NINJ2: variants seen among roughly 807,000 people sequenced by gnomAD.
NINJ2 encodes the protein ninjurin 2.
NINJ2 carries 12 observed loss-of-function variants against 11.7 expected under a neutral mutation model. The ratio of observed to expected loss-of-function variants is 1.02; its 90% CI spans 0.66 to 1.66. NINJ2 has a LOEUF of 1.66. NINJ2 is among the 40% of genes most tolerant of loss of function. NINJ2 has a pLI of 0.00. For missense variants in NINJ2, 187 were observed against 181.8 expected (o/e 1.03, Z -0.16); for synonymous variants, 93 against 76.8 (o/e 1.21, Z -1.10).
chr12:565,380 A>G lies in NINJ2; in HGVS notation c.284T>C (p.Val95Ala), dbSNP rs1421359737. ...CTGGTTGAGTCGCCACTGCTTTTCT[A>G]CCTCATTCAGGTTCAGCCGTGCTGC... ...VVIARLNLNE[V>A]EKQWRLNQLN... The change falls in exon 3 of 4, where the codon GTA (valine) becomes GCA (alanine). Residue 95 changes from valine to alanine, a missense_variant. Val to Ala is a moderately conservative substitution (Grantham distance 64). Coordinates refer to ENST00000305108, the MANE Select transcript of NINJ2 (RefSeq NM_016533.6). 3 of 1,614,046 alleles carry G rather than the reference A, an allele frequency of 1.9e-6. No homozygotes were observed. Among genetic ancestry groups the G allele is most frequent in the Middle Eastern group, 1.7e-4 (1 of 6,058 alleles).
intron 1 of NINJ2, among the ~76,000 whole-genome samples, chr12:660,415 ACCACAACCTCTGCCTCCC>A (rs1164595411): frequency 1.4e-5 from 2 of 146,484 alleles, no homozygotes; most frequent in Non-Finnish European, 3.0e-5. Context: ...ATCTCCGCTC[ACCACAACCTCTGCCTCCC>A]AGGTTCAAGC....
At chr12:565,551 G>A (rs1947284692) in intron 2 of NINJ2, 150 bp from the exon 3 acceptor site, 2 of 801,436 alleles carry the variant, frequency 2.5e-6, no homozygotes, top group Non-Finnish European at 4.0e-6. Context: ...GGGCTGAGAT[G>A]CCTCTGCCCT....
chr12:589,866 T>G (rs1483557373), intron 1 of NINJ2, among the ~76,000 whole-genome samples: 1 of 152,008 alleles, frequency 6.6e-6, no homozygotes, highest in Non-Finnish European at 1.5e-5. Context: ...TGGACTCAGT[T>G]TTCCTCCGTG....
At chr12:663,045 A>G (rs1387544748) in intron 1 of NINJ2, among the ~76,000 whole-genome samples, 2 of 152,156 alleles carry the variant, frequency 1.3e-5, no homozygotes, top group Non-Finnish European at 2.9e-5. Flanking sequence ...ATTTTCTGGT[A>G]ATACGGATCT....
chr12:611,358 CTTTT>C (rs1948032141), intron 1 of NINJ2, among the ~76,000 whole-genome samples: 1 of 136,168 alleles, frequency 7.3e-6, no homozygotes. Context: ...TTCCTTCTTT[CTTTT>C]TGTCTTGCTC....
intron 1 of NINJ2, among the ~76,000 whole-genome samples, chr12:652,394 T>A (rs10849417): frequency 0.25 from 37,921 of 152,026 alleles, 4,893 homozygotes; most frequent in Non-Finnish European, 0.28. Flanking sequence ...TTGTTGCTAG[T>A]AGCTCTGTCT....
At chr12:599,254 G>A (rs1224601748) in intron 1 of NINJ2, among the ~76,000 whole-genome samples, 1 of 151,806 alleles carries the variant, frequency 6.6e-6, no homozygotes, top group Non-Finnish European at 1.5e-5. Context: ...TGTGGTGGCA[G>A]GCGCCTGTAA....
At chr12:600,527 G>C (rs11063811) in intron 1 of NINJ2, among the ~76,000 whole-genome samples, 11,721 of 152,180 alleles carry the variant, frequency 0.077, 518 homozygotes, top group Non-Finnish European at 0.091. Flanking sequence ...CTGCACTCCA[G>C]CCTGGCAACA....
At chr12:609,318 T>G (rs71447502) in intron 1 of NINJ2, among the ~76,000 whole-genome samples, 15,141 of 64,964 alleles carry the variant, frequency 0.23, 2,247 homozygotes, top group Admixed American at 0.29. Context: ...ACGCGCTAGG[T>G]GCTGAACGCA....
At chr12:619,963 G>C (rs750381506) in intron 1 of NINJ2, among the ~76,000 whole-genome samples, 1 of 152,188 alleles carries the variant, frequency 6.6e-6, no homozygotes, top group Admixed American at 6.5e-5. Context: ...GTGAGGGAGG[G>C]CTCAGCTGCC....
intron 1 of NINJ2, among the ~76,000 whole-genome samples, chr12:647,653 A>C (rs1937708409): frequency 6.6e-6 from 1 of 152,222 alleles, no homozygotes; most frequent in Admixed American, 6.5e-5. Context: ...GAAAGGAGCC[A>C]GTCTTGAAGT....
intron 1 of NINJ2, among the ~76,000 whole-genome samples, chr12:584,861 T>C (rs1013571763): frequency 1.0e-4 from 15 of 147,092 alleles, no homozygotes; most frequent in African/African-American, 3.3e-4. Flanking sequence ...AGGGGCGCGC[T>C]CACACCCGTA....
chr12:591,620 C>T lies in NINJ2; in HGVS notation c.34-25442G>A, dbSNP rs541829513. ...AAGCAGGGGCCTTTTGGCTGAGCTCCGAGTCCCTGGAGGGACAGTGTCTGC... is the reference window on the plus strand; with the variant it reads ...AAGCAGGGGCCTTTTGGCTGAGCTCTGAGTCCCTGGAGGGACAGTGTCTGC... On this transcript the variant is annotated intron_variant, in intron 1 of 3. Coordinates refer to ENST00000305108, the MANE Select transcript of NINJ2 (RefSeq NM_016533.6). This position sits in a 1 kb window ranked among gnomAD's most constrained non-coding sequence, Gnocchi z 5.0. Among the ~76,000 whole-genome samples the T allele has an allele frequency of 6.6e-6, 1 of 152,080 alleles. No individual in the cohort carries two copies. Among genetic ancestry groups the T allele is most frequent in the African/African-American group, 2.4e-5 (1 of 41,404 alleles).
chr12:607,930 A>G (rs1211717303), intron 1 of NINJ2, among the ~76,000 whole-genome samples: 1 of 152,190 alleles, frequency 6.6e-6, no homozygotes, highest in East Asian at 1.9e-4. Flanking sequence ...TCCTTTGGCC[A>G]TCAGCCACCG....
At position 580,418 on chromosome 12, in the gene NINJ2, T is replaced by C. The variant is rs113397033; in HGVS notation, c.34-14240A>G. Among the ~76,000 whole-genome samples, 14,851 of 152,000 alleles carry C rather than the reference T, an allele frequency of 0.098. 843 individuals carry two copies. The highest frequency in any genetic ancestry group is 0.14 in the African/African-American group (5,902 of 41,438). On this transcript the variant is annotated intron_variant, in intron 1 of 3. Coordinates refer to ENST00000305108, the MANE Select transcript of NINJ2 (RefSeq NM_016533.6). This position sits in a 1 kb window ranked among gnomAD's most constrained non-coding sequence, Gnocchi z 4.7. ...GCCTGGGCAAAATGGTGAAACCCCA[T>C]CTCTACTAAAAATACAAAAATTAGC... is the stretch of plus-strand genomic sequence containing the variant.
chr12:594,578 G>A (rs1354236236), intron 1 of NINJ2, among the ~76,000 whole-genome samples: 1 of 152,046 alleles, frequency 6.6e-6, no homozygotes, highest in Non-Finnish European at 1.5e-5. Flanking sequence ...ACTTGAGTCC[G>A]GGAGTTCACA....
chr12:582,173 T>G (rs61919372), intron 1 of NINJ2, among the ~76,000 whole-genome samples: 2 of 151,528 alleles, frequency 1.3e-5, no homozygotes, highest in African/African-American at 2.4e-5. Context: ...TAGGCCAGAG[T>G]CCTGGGGAAT....
chr12:576,317 A>C (rs1947460252), intron 1 of NINJ2, among the ~76,000 whole-genome samples: 1 of 152,122 alleles, frequency 6.6e-6, no homozygotes, highest in Non-Finnish European at 1.5e-5. Flanking sequence ...GCCCCAGCTC[A>C]ACCCGCCCGC....
At chr12:577,346 C>A (rs895706116) in intron 1 of NINJ2, among the ~76,000 whole-genome samples, 1 of 147,726 alleles carries the variant, frequency 6.8e-6, no homozygotes, top group African/African-American at 2.5e-5. Context: ...TTTTGACTTA[C>A]AATATTTTCA....
Sources: allele counts gnomAD v4.1 joint callset (sites outside exome capture counted in the v4.1 genomes callset), GRCh38; gene constraint gnomAD v4.1.1; non-coding constraint Gnocchi (gnomAD v3.1); transcripts MANE v1.5; gene names NCBI Gene and HGNC (gene_info 2026-07-23, HGNC 2026-07-21).